RAB3GAP1: variants seen among roughly 807,000 people sequenced by gnomAD.
The protein encoded by RAB3GAP1 is RAB3 GTPase activating protein catalytic subunit 1.
RAB3GAP1 carries 86 observed loss-of-function variants against 130.7 expected under a neutral mutation model. The observed-to-expected ratio is 0.66, with a 90% CI of 0.55 to 0.79. RAB3GAP1 has a LOEUF of 0.79. Ranked by LOEUF, RAB3GAP1 falls within the 30% of genes least tolerant of loss-of-function variation. RAB3GAP1 has a pLI of 0.00. For synonymous variants in RAB3GAP1, 367 were observed against 401.7 expected (o/e 0.91, Z 1.03); for missense variants, 1,029 against 1,169.4 (o/e 0.88, Z 1.75).
intron 3 of RAB3GAP1, among the ~76,000 whole-genome samples, chr2:135,080,165 G>A (rs531581844): frequency 6.6e-6 from 1 of 150,476 alleles, no homozygotes; most frequent in East Asian, 2.0e-4. Context: ...CCTCATGTAA[G>A]TTTAATTTTG....
chr2:135,156,448 C>G (rs544603885), intron 19 of RAB3GAP1, among the ~76,000 whole-genome samples: 1 of 152,156 alleles, frequency 6.6e-6, no homozygotes, highest in South Asian at 2.1e-4. Context: ...TAAACAGACT[C>G]TAATATCATT....
At chr2:135,062,842 T>C (rs924064172) in intron 3 of RAB3GAP1, among the ~76,000 whole-genome samples, 13 of 152,246 alleles carry the variant, frequency 8.5e-5, no homozygotes, top group African/African-American at 2.7e-4. Flanking sequence ...TGCTAGTACA[T>C]AGATACATGG....
chr2:135,168,250 C>T (rs1313306505), intron 23 of RAB3GAP1, among the ~76,000 whole-genome samples: 2 of 152,214 alleles, frequency 1.3e-5, no homozygotes, highest in Admixed American at 6.5e-5. Context: ...AGCAGCACAG[C>T]TCCGAGGTCC....
In RAB3GAP1 at chr2:135,141,061, G is replaced by T. The variant is rs143012965; in HGVS notation, c.1923+5129G>T. 4.0e-5 allele frequency among the ~76,000 whole-genome samples: 6 copies of T among 151,626 alleles called. No homozygotes were observed. In the East Asian group the frequency reaches 9.7e-4, roughly 24 times the overall value. On this transcript the variant is annotated intron_variant, in intron 17 of 23. Coordinates refer to ENST00000264158, the MANE Select transcript of RAB3GAP1 (RefSeq NM_012233.3). ...GCATATATATATTTATTGCCCATTT[G>T]TCTATCTTCTTGGTGAAAAGCCTGT...
Position 135,149,577 on chromosome 2 carries a change from G to A in RAB3GAP1, c.1924-792G>A, listed in dbSNP as rs150389281. On this transcript the variant is annotated intron_variant, in intron 17 of 23. Transcript: ENST00000264158. ...TGAGATTCTTGCTTGGTACTTGCAGGATAATTAAAAGTGATGCATGTTCAT... is the reference window on the plus strand; with the variant it reads ...TGAGATTCTTGCTTGGTACTTGCAGAATAATTAAAAGTGATGCATGTTCAT... Among the ~76,000 whole-genome samples the A allele has an allele frequency of 6.8e-3, 1,040 of 152,220 alleles. 8 individuals are homozygous for A. The highest frequency in any genetic ancestry group is 0.027 in the Middle Eastern group (8 of 294).
intron 3 of RAB3GAP1, among the ~76,000 whole-genome samples, chr2:135,069,267 G>C (rs191628459): frequency 6.6e-6 from 1 of 152,106 alleles, no homozygotes; most frequent in Non-Finnish European, 1.5e-5. Context: ...ACTTACCTGG[G>C]AATTTTGTTA....
intron 5 of RAB3GAP1, among the ~76,000 whole-genome samples, chr2:135,099,215 C>A (rs976830192): frequency 6.6e-6 from 1 of 151,888 alleles, no homozygotes; most frequent in African/African-American, 2.4e-5. Context: ...CCCTTTTGTT[C>A]CTGCTTTGCT....
At chr2:135,113,312 T>C (rs978567238) in intron 6 of RAB3GAP1, 42 bp downstream of exon 6, 5 of 1,606,616 alleles carry the variant, frequency 3.1e-6, no homozygotes, top group Non-Finnish European at 3.4e-6. Context: ...AAAACTGTTT[T>C]TAACAATAAT....
At chr2:135,165,736 G>A (rs999842680) in intron 23 of RAB3GAP1, among the ~76,000 whole-genome samples, 5 of 152,000 alleles carry the variant, frequency 3.3e-5, no homozygotes, top group African/African-American at 1.2e-4. Flanking sequence ...TTTTCTCTCT[G>A]GCATGAAAAC....
At chr2:135,081,337 T>C (rs1400155410) in intron 3 of RAB3GAP1, among the ~76,000 whole-genome samples, 1 of 81,590 alleles carries the variant, frequency 1.2e-5, no homozygotes, top group Non-Finnish European at 2.0e-5. Flanking sequence ...AATATATATA[T>C]ATATATATAT....
intron 5 of RAB3GAP1, among the ~76,000 whole-genome samples, chr2:135,108,196 C>T (rs1251971530): frequency 2.0e-5 from 3 of 151,980 alleles, no homozygotes; most frequent in African/African-American, 7.2e-5. Flanking sequence ...TGCTAAAGCA[C>T]ATTTATATTT....
chr2:135,099,431 CTG>C (rs141856311), intron 5 of RAB3GAP1, among the ~76,000 whole-genome samples: 24,856 of 141,854 alleles, frequency 0.18, 2,682 homozygotes, highest in African/African-American at 0.31. Flanking sequence ...ATTTGTATTT[CTG>C]TGTGTGTGTG....
intron 8 of RAB3GAP1, among the ~76,000 whole-genome samples, chr2:135,121,286 A>G (rs1020514903): frequency 3.3e-5 from 5 of 152,328 alleles, no homozygotes; most frequent in Admixed American, 1.3e-4. Flanking sequence ...AACTGAGAAC[A>G]CTCATGCAAA....
chr2:135,171,283 G>A (rs1692844832), downstream of RAB3GAP1, among the ~76,000 whole-genome samples: 1 of 152,144 alleles, frequency 6.6e-6, no homozygotes, highest in South Asian at 2.1e-4. Context: ...ACAAGTTAGG[G>A]CTTTGCCTTT....
At chr2:135,080,389 A>T (rs909838147) in intron 3 of RAB3GAP1, among the ~76,000 whole-genome samples, 1 of 152,190 alleles carries the variant, frequency 6.6e-6, no homozygotes, top group Admixed American at 6.5e-5. Context: ...GCAGATGAGA[A>T]GATCATATAT....
At chr2:135,138,177 C>T (rs927631918) in intron 17 of RAB3GAP1, among the ~76,000 whole-genome samples, 6 of 151,222 alleles carry the variant, frequency 4.0e-5, no homozygotes, top group Non-Finnish European at 8.8e-5. Flanking sequence ...GAAAGAGGCT[C>T]AACGCCTGTA....
At chr2:135,078,923 A>G (rs902784379) in intron 3 of RAB3GAP1, among the ~76,000 whole-genome samples, 12 of 152,078 alleles carry the variant, frequency 7.9e-5, no homozygotes, top group African/African-American at 2.9e-4. Flanking sequence ...GCTGGAGTGC[A>G]GTGGCACGAT....
intron 3 of RAB3GAP1, among the ~76,000 whole-genome samples, chr2:135,077,523 C>G (rs1689664772): frequency 6.6e-6 from 1 of 152,136 alleles, no homozygotes; most frequent in African/African-American, 2.4e-5. Context: ...GAGACCCTAT[C>G]TCTACCAAAA....
At chr2:135,060,587 A>G (rs1474785742) in intron 3 of RAB3GAP1, among the ~76,000 whole-genome samples, 3 of 151,844 alleles carry the variant, frequency 2.0e-5, no homozygotes, top group Non-Finnish European at 2.9e-5. Context: ...AAATGTTCAC[A>G]TGGGTATAAC....
Sources: allele counts gnomAD v4.1 joint callset (sites outside exome capture counted in the v4.1 genomes callset), GRCh38; gene constraint gnomAD v4.1.1; transcripts MANE v1.5; gene names NCBI Gene and HGNC (gene_info 2026-07-23, HGNC 2026-07-21).